Variants in SGCZ observed in about 807,000 individuals in gnomAD.
The protein encoded by SGCZ is zeta-sarcoglycan.
Under a neutral mutation model 41.3 loss-of-function variants are expected in SGCZ, and 40 were observed. The ratio of observed to expected loss-of-function variants is 0.97; its 90% CI spans 0.75 to 1.26. The LOEUF (loss-of-function observed/expected upper bound fraction) is 1.26, where lower values mean the gene tolerates loss of function less well. Among genes scored for constraint, SGCZ ranks in the 50% most tolerant of loss-of-function variants. SGCZ has a pLI of 0.00. For missense variants in SGCZ, 552 were observed against 369.8 expected (o/e 1.49, Z -4.04); for synonymous variants, 206 against 137.5 (o/e 1.50, Z -3.49).
At chr8:14,457,469 A>G (rs572107473) in intron 2 of SGCZ, among the ~76,000 whole-genome samples, 1 of 151,942 alleles carries the variant, frequency 6.6e-6, no homozygotes, top group South Asian at 2.1e-4. Flanking sequence ...TTTAGAGAAG[A>G]CTCTGCTCCT....
rs540119954 is a variant in SGCZ, at chr8:15,011,510, T to C, written c.39+226075A>G. ...AATAAAAATCAAGAAATAATTTAAA[T>C]CTTTAAGTTTACCTCATTCATAAGA... On this transcript the variant is annotated intron_variant, in intron 1 of 7. Transcript: ENST00000382080. Among the ~76,000 whole-genome samples, 16 of 152,310 alleles carry C rather than the reference T, an allele frequency of 1.1e-4. No individual in the cohort carries two copies. The South Asian group carries it at 3.3e-3, about 32-fold the overall frequency.
At chr8:15,080,433 T>C (rs1805697682) in intron 1 of SGCZ, among the ~76,000 whole-genome samples, 1 of 152,094 alleles carries the variant, frequency 6.6e-6, no homozygotes, top group Admixed American at 6.6e-5. Flanking sequence ...TGGTTGGTAG[T>C]GTGCGTTAGG....
chr8:15,032,603 G>C (rs951583581), intron 1 of SGCZ, among the ~76,000 whole-genome samples: 4 of 152,126 alleles, frequency 2.6e-5, no homozygotes, highest in Non-Finnish European at 4.4e-5. Context: ...GGACACCCCA[G>C]CACTGGGCTG....
intron 1 of SGCZ, among the ~76,000 whole-genome samples, chr8:14,982,205 C>G (rs1166193317): frequency 2.6e-5 from 4 of 151,492 alleles, no homozygotes; most frequent in Non-Finnish European, 5.9e-5. Flanking sequence ...ACAATTAAGA[C>G]TGAAATGGAT....
chr8:14,715,501 C>A (rs1363560992), intron 1 of SGCZ, among the ~76,000 whole-genome samples: 3 of 151,154 alleles, frequency 2.0e-5, no homozygotes, highest in Admixed American at 2.0e-4. Flanking sequence ...AACTAGAGCC[C>A]AAGTATGGGT....
intron 1 of SGCZ, among the ~76,000 whole-genome samples, chr8:14,559,710 A>T (rs1347856274): frequency 6.6e-6 from 1 of 152,158 alleles, no homozygotes; most frequent in Non-Finnish European, 1.5e-5. Context: ...GAGGCATGTT[A>T]TGCTTCATAC....
chr8:15,233,692 G>T (rs1035522078), intron 1 of SGCZ, among the ~76,000 whole-genome samples: 1 of 151,760 alleles, frequency 6.6e-6, no homozygotes, highest in Admixed American at 6.5e-5. Context: ...TTGAAAAGTT[G>T]TTTTATGTGT....
intron 1 of SGCZ, among the ~76,000 whole-genome samples, chr8:15,035,766 C>G (rs562863681): frequency 2.0e-5 from 3 of 152,012 alleles, no homozygotes; most frequent in Non-Finnish European, 2.9e-5. Context: ...ATAAAGGGAT[C>G]AATTTATCAA....
At chr8:14,288,136 T>A (rs1800704229) in intron 3 of SGCZ, among the ~76,000 whole-genome samples, 1 of 152,112 alleles carries the variant, frequency 6.6e-6, no homozygotes, top group Non-Finnish European at 1.5e-5. Flanking sequence ...TCTGTTGACA[T>A]ATAATTGAGA....
intron 1 of SGCZ, among the ~76,000 whole-genome samples, chr8:14,700,963 T>C (rs985142053): frequency 6.6e-6 from 1 of 151,888 alleles, no homozygotes; most frequent in Admixed American, 6.6e-5. Flanking sequence ...ATAAAGAGGC[T>C]CACATAATTA....
At chr8:15,230,516 G>A (rs573300437) in intron 1 of SGCZ, among the ~76,000 whole-genome samples, 7 of 152,164 alleles carry the variant, frequency 4.6e-5, no homozygotes, top group Non-Finnish European at 7.4e-5. Context: ...ATCTTGTTTT[G>A]ATGTTCAAAT....
intron 1 of SGCZ, among the ~76,000 whole-genome samples, chr8:15,019,553 C>T (rs1342886007): frequency 6.6e-6 from 1 of 151,800 alleles, no homozygotes; most frequent in Non-Finnish European, 1.5e-5. Flanking sequence ...GGGATCAGTC[C>T]CTTCCTTTCA....
At chr8:14,886,620 G>C (rs961267026) in intron 1 of SGCZ, among the ~76,000 whole-genome samples, 2 of 152,116 alleles carry the variant, frequency 1.3e-5, no homozygotes, top group Admixed American at 6.5e-5. Flanking sequence ...AGGAGCAGCA[G>C]GAGGTCACAT....
chr8:14,377,099 G>C (rs555998782), intron 2 of SGCZ, among the ~76,000 whole-genome samples: 1 of 152,202 alleles, frequency 6.6e-6, no homozygotes, highest in Admixed American at 6.5e-5. Flanking sequence ...AGCATAGACC[G>C]GGTTGCAAGA....
chr8:14,830,024 G>C (rs1245247662), intron 1 of SGCZ, among the ~76,000 whole-genome samples: 2 of 152,042 alleles, frequency 1.3e-5, no homozygotes, highest in East Asian at 3.9e-4. Flanking sequence ...GTGTTAGCCA[G>C]GGGTCTCGAT....
At chr8:14,362,287 G>C (rs781658181) in intron 2 of SGCZ, among the ~76,000 whole-genome samples, 58 of 152,214 alleles carry the variant, frequency 3.8e-4, no homozygotes, top group Non-Finnish European at 1.2e-4. Context: ...CCCGGAGGTG[G>C]AATCTAGAGA....
intron 1 of SGCZ, among the ~76,000 whole-genome samples, chr8:14,575,932 A>AAAAAAAAAAAAAAAAAG (rs1563126402): frequency 7.3e-6 from 1 of 136,440 alleles, no homozygotes; most frequent in African/African-American, 2.9e-5. Flanking sequence ...AAAAAAAAAA[A>AAAAAAAAAAAAAAAAAG]AAAGAAAGAA....
Position 14,248,023 on chromosome 8 carries a change from T to A in SGCZ, c.337-10344A>T, listed in dbSNP as rs1038737650. On this transcript the variant is annotated intron_variant, in intron 3 of 7. Coordinates refer to ENST00000382080, the MANE Select transcript of SGCZ (RefSeq NM_139167.4). ...CAGTAATTTTCCACCAATGGATGAA[T>A]GGTTTAGCCAATTTGTATGTCCAAA... 2.0e-5 allele frequency among the ~76,000 whole-genome samples: 3 copies of A among 152,216 alleles called. No homozygotes were observed. In the East Asian group the frequency reaches 5.8e-4, roughly 29 times the overall value.
chr8:14,757,827 T>C (rs1266316815), intron 1 of SGCZ, among the ~76,000 whole-genome samples: 1 of 152,196 alleles, frequency 6.6e-6, no homozygotes, highest in Non-Finnish European at 1.5e-5. Context: ...CATACTTTCA[T>C]GACCTATCAA....
Sources: gnomAD v4.1 joint callset for allele counts (sites outside exome capture counted in the v4.1 genomes callset) on GRCh38, gnomAD v4.1.1 for gene constraint, MANE v1.5 for transcripts, NCBI Gene and HGNC (gene_info 2026-07-23, HGNC 2026-07-21) for gene names.